Variants in MYH13 observed in about 807,000 individuals in gnomAD.
The protein encoded by MYH13 is myosin heavy chain 13.
Under a neutral mutation model 232.1 loss-of-function variants are expected in MYH13, and 177 were observed. The ratio of observed to expected loss-of-function variants is 0.76; its 90% CI spans 0.67 to 0.86. MYH13 has a LOEUF of 0.86. Ranked by LOEUF, MYH13 falls within the 40% of genes least tolerant of loss-of-function variation. The pLI is 0.00. For synonymous variants in MYH13, 884 were observed against 923.5 expected (o/e 0.96, Z 0.78); for missense variants, 2,246 against 2,405.9 (o/e 0.93, Z 1.39).
At chr17:10,370,434 C>T (rs2071869245) in intron 2 of MYH13, among the ~76,000 whole-genome samples, 1 of 152,244 alleles carries the variant, frequency 6.6e-6, no homozygotes, top group Admixed American at 6.5e-5. Context: ...TAATTAGCCT[C>T]TTCTCTGTTC....
At chr17:10,339,438 A>G (rs1306593156) in intron 18 of MYH13, among the ~76,000 whole-genome samples, 1 of 152,244 alleles carries the variant, frequency 6.6e-6, no homozygotes, top group Non-Finnish European at 1.5e-5. Flanking sequence ...CAATACGCGT[A>G]TCTTGCAGAG....
At chr17:10,346,611 A>G (rs1368125075) in intron 13 of MYH13, 69 bp downstream of exon 13, 3 of 1,221,042 alleles carry the variant, frequency 2.5e-6, no homozygotes, top group Middle Eastern at 1.9e-4. Flanking sequence ...CTGCAACTGA[A>G]GGAGCTTTAA....
chr17:10,361,608 AG>A (rs2071794450), intron 5 of MYH13, among the ~76,000 whole-genome samples: 1 of 152,086 alleles, frequency 6.6e-6, no homozygotes, highest in Admixed American at 6.6e-5. Context: ...TTCTACTTCT[AG>A]CATCTGTTCC....
Position 10,303,526 on chromosome 17 carries a change from T to A in MYH13, c.5467-28A>T, listed in dbSNP as rs1357868401. ...GAGTAGGATGAAAGGAACACAGAAT[T>A]CAAATCTCCTCTCCCAGGCTTCTCT... On this transcript the variant is annotated intron_variant, in intron 37 of 40. Coordinates refer to ENST00000252172, the MANE Select transcript of MYH13 (RefSeq NM_003802.3). The A allele has an allele frequency of 2.5e-6, 4 of 1,588,724 alleles. No homozygotes were observed. The Admixed American group carries it at 5.0e-5, about 20-fold the overall frequency.
At chr17:10,326,716 A>G (rs1239189674) in intron 22 of MYH13, among the ~76,000 whole-genome samples, 1 of 151,048 alleles carries the variant, frequency 6.6e-6, no homozygotes, top group Non-Finnish European at 1.5e-5. Context: ...TGACCTTGTG[A>G]TCTGCCCGCC....
chr17:10,344,574 T>C (rs977004337), intron 15 of MYH13, among the ~76,000 whole-genome samples: 7 of 151,856 alleles, frequency 4.6e-5, no homozygotes, highest in African/African-American at 1.7e-4. Context: ...TCCCAGTACT[T>C]TGGGAGGCTG....
chr17:10,343,928 T>A lies in MYH13; in HGVS notation c.1766A>T (p.Asp589Val). 1 of 1,614,238 alleles carries A rather than the reference T, an allele frequency of 6.2e-7. No individual in the cohort carries two copies. Among genetic ancestry groups the A allele is most frequent in the Non-Finnish European group, 8.5e-7 (1 of 1,180,030 alleles). Residue 589 changes from aspartate (D) to valine (V), a missense_variant, in exon 16 of 41, where the codon GAC becomes GTC. Physicochemically the swap from Asp to Val is radical, Grantham distance 152. Coordinates refer to ENST00000252172, the MANE Select transcript of MYH13 (RefSeq NM_003802.3). ...FSLVHYAGTV[D>V]YNIAGWLDKN... ...GTCCAGCCAGCCGGCGATGTTGTAG[T>A]CCACGGTGCCGGCATAGTGCACCAG...
At chr17:10,301,755 A>T in intron 39 of MYH13, 52 bp from the exon 40 acceptor site, 3 of 1,594,416 alleles carry the variant, frequency 1.9e-6, no homozygotes, top group Non-Finnish European at 2.6e-6. Flanking sequence ...CAGTCCGATT[A>T]TGAGGTGCCC....
At chr17:10,322,219 C>T (rs944110161) in intron 23 of MYH13, among the ~76,000 whole-genome samples, 24 of 137,538 alleles carry the variant, frequency 1.7e-4, no homozygotes, top group African/African-American at 4.7e-4. Context: ...CGTGAAACCT[C>T]GTCTCTACTA....
At position 10,307,052 on chromosome 17, in the gene MYH13, T is replaced by C; in HGVS notation, c.5182A>G (p.Ile1728Val). 6.2e-7 allele frequency: 1 copy of C among 1,613,998 alleles called. No homozygotes were observed. Residue 1728 changes from isoleucine (I) to valine (V), a missense_variant, in exon 36 of 41, where the codon ATA becomes GTA. By Grantham distance (29) the Ile-to-Val change is conservative. Transcript: ENST00000252172. ...GCCTCCAGTTTTTTCTTGGTATTTA[T>C]CAGGCTTGTGTTCTACAAGAAGAAT... ...QLLHSQNTSL[I>V]NTKKKLEADI...
intron 11 of MYH13, among the ~76,000 whole-genome samples, chr17:10,352,646 C>T (rs890100405): frequency 4.6e-5 from 7 of 151,914 alleles, no homozygotes; most frequent in African/African-American, 7.3e-5. Flanking sequence ...GAGCAACAGC[C>T]GCATCTGGCA....
intron 39 of MYH13, among the ~76,000 whole-genome samples, chr17:10,302,447 T>G (rs373897741): frequency 7.2e-5 from 11 of 152,338 alleles, no homozygotes; most frequent in South Asian, 2.1e-4. Flanking sequence ...TCTTCCACTT[T>G]GTAGAGTTGA....
chr17:10,337,648 C>T (rs12943772), intron 18 of MYH13, among the ~76,000 whole-genome samples: 1 of 151,694 alleles, frequency 6.6e-6, no homozygotes, highest in Non-Finnish European at 1.5e-5. Flanking sequence ...CTTCTGTATT[C>T]GTGTTGGGCT....
intron 35 of MYH13, among the ~76,000 whole-genome samples, chr17:10,308,873 T>C (rs1906386597): frequency 6.6e-6 from 1 of 152,138 alleles, no homozygotes; most frequent in African/African-American, 2.4e-5. Flanking sequence ...GGTGTGGCGC[T>C]GAGCCGGGTC....
At chr17:10,351,814 G>T (rs577617651) in intron 11 of MYH13, among the ~76,000 whole-genome samples, 1 of 152,316 alleles carries the variant, frequency 6.6e-6, no homozygotes, top group South Asian at 2.1e-4. Flanking sequence ...TGATTATGCA[G>T]TAGGGTTTGC....
In MYH13 at chr17:10,345,236, A is replaced by G; in HGVS notation, c.1550T>C (p.Met517Thr). Residue 517 changes from methionine (M) to threonine (T), a missense_variant, in exon 15 of 41, where the codon ATG becomes ACG. Met to Thr is a moderately conservative substitution (Grantham distance 81). Transcript: ENST00000252172. Reference sequence around the variant, plus strand: ...GAGCTCGATGCAGGCAGCCAGGTCCATTCCGAAGTCAATGAACTCCCACTC... The same window carrying G: ...GAGCTCGATGCAGGCAGCCAGGTCCGTTCCGAAGTCAATGAACTCCCACTC... ...GIEWEFIDFG[M>T]DLAACIELIE... 6.2e-7 allele frequency: 1 copy of G among 1,614,162 alleles called. No individual in the cohort carries two copies. The highest frequency in any genetic ancestry group is 1.1e-5 in the South Asian group (1 of 91,086).
rs527335746 is a variant in MYH13, at chr17:10,338,308, C to T, written c.2056+1842G>A. 2.6e-5 allele frequency among the ~76,000 whole-genome samples: 4 copies of T among 151,438 alleles called. No individual in the cohort carries two copies. The South Asian group carries it at 6.3e-4, about 24-fold the overall frequency. On this transcript the variant is annotated intron_variant, in intron 18 of 40. Transcript: ENST00000252172. ...CTTCCCAACACTGGAGAAGCCGGCT[C>T]ATTGGTCAGGAGGCTGCAGGATGCC...
intron 2 of MYH13, among the ~76,000 whole-genome samples, chr17:10,368,049 A>G (rs1325094587): frequency 6.6e-6 from 1 of 152,158 alleles, no homozygotes; most frequent in Non-Finnish European, 1.5e-5. Flanking sequence ...CTTTTCCCAT[A>G]TGTGAATTTC....
chr17:10,303,011 T>C (rs1906147643), intron 39 of MYH13, among the ~76,000 whole-genome samples, 185 bp downstream of exon 39: 1 of 151,332 alleles, frequency 6.6e-6, no homozygotes, highest in East Asian at 1.9e-4. Context: ...ACAGAGATGG[T>C]GAAGGTCGTG....
Sources: allele counts gnomAD v4.1 joint callset (sites outside exome capture counted in the v4.1 genomes callset), GRCh38; gene constraint gnomAD v4.1.1; transcripts MANE v1.5; gene names NCBI Gene and HGNC (gene_info 2026-07-23, HGNC 2026-07-21).